The following BTBD7 variants were observed in gnomAD, a reference collection of about 807,000 sequenced individuals.
BTBD7 encodes BTB domain containing 7.
BTBD7 carries 38 observed loss-of-function variants against 99.9 expected under a neutral mutation model. That is an observed-to-expected ratio of 0.38 (90% CI 0.29 to 0.50). The LOEUF (loss-of-function observed/expected upper bound fraction) is 0.50. Ranked by LOEUF, BTBD7 falls within the 20% of genes least tolerant of loss-of-function variation. The pLI, the probability that BTBD7 is intolerant of heterozygous loss-of-function variation, is 0.93. For missense variants in BTBD7, 1,170 were observed against 1,394.6 expected (o/e 0.84, Z 2.57); for synonymous variants, 520 against 511.4 (o/e 1.02, Z -0.23).
In BTBD7 at chr14:93,332,810, G is replaced by A. The variant is rs922981549; in HGVS notation, c.-107+10C>T. ...GCTCCACAGCCTCAGAGACACCAAG[G>A]GACACTCACCCCGGAGGCTCCTCCC... is the stretch of plus-strand genomic sequence containing the variant. On this transcript the variant is annotated intron_variant, in intron 1 of 10. Coordinates refer to ENST00000334746, the MANE Select transcript of BTBD7 (RefSeq NM_001002860.4). 4.7e-6 allele frequency: 7 copies of A among 1,476,796 alleles called. No individual in the cohort carries two copies. In the African/African-American group the frequency reaches 7.3e-5, roughly 15 times the overall value. The allele number at this position is 1,476,796 out of a possible 1,614,324, so 91.5% of individuals were successfully genotyped here. A position where few individuals can be genotyped will look rare whatever the true frequency, so the allele number is the denominator to read the frequency against.
In BTBD7 at chr14:93,237,749, A is replaced by T. The variant is rs978998792; in HGVS notation, c.*4524T>A. The T allele has an allele frequency of 3.9e-5, 6 of 152,656 alleles. No homozygotes were observed. Among genetic ancestry groups the T allele is most frequent in the African/African-American group, 1.4e-4 (6 of 41,452 alleles). The allele number at this position is 152,656 out of a possible 1,614,324, so 9.5% of individuals were successfully genotyped here. A position where few individuals can be genotyped will look rare whatever the true frequency, so the allele number is the denominator to read the frequency against. On this transcript the variant is annotated 3_prime_UTR_variant, in exon 11 of 11. Coordinates refer to ENST00000334746, the MANE Select transcript of BTBD7 (RefSeq NM_001002860.4). ...GGAGGTACCTAAATAAAAATACTAT[A>T]TATTTCTTTAAAAATCACTATGTAC...
chr14:93,253,217 AT>A (rs2052388185), intron 7 of BTBD7, among the ~76,000 whole-genome samples: 1 of 152,186 alleles, frequency 6.6e-6, no homozygotes. Flanking sequence ...ACTAAACATA[AT>A]TCCCAACAGT....
At chr14:93,307,068 C>T (rs1471161231) in intron 1 of BTBD7, among the ~76,000 whole-genome samples, 1 of 152,204 alleles carries the variant, frequency 6.6e-6, no homozygotes, top group Admixed American at 6.5e-5. Flanking sequence ...ATCTTCCTGA[C>T]ATCTCCCACA....
chr14:93,270,695 C>CAA (rs34308418), intron 3 of BTBD7, among the ~76,000 whole-genome samples: 6 of 71,258 alleles, frequency 8.4e-5, no homozygotes, highest in South Asian at 8.4e-4. Flanking sequence ...ACTCTTGTCT[C>CAA]AAAAAAAAAA....
chr14:93,281,029 G>T (rs544048996), intron 3 of BTBD7, among the ~76,000 whole-genome samples: 65 of 152,036 alleles, frequency 4.3e-4, no homozygotes, highest in Non-Finnish European at 8.1e-4. Context: ...TTGAGACAGG[G>T]TCTTACTCTG....
chr14:93,279,579 G>A (rs149365152), intron 3 of BTBD7, among the ~76,000 whole-genome samples: 315 of 152,104 alleles, frequency 2.1e-3, no homozygotes, highest in African/African-American at 7.2e-3. Flanking sequence ...ACAGAGTCTC[G>A]CTCTGTTGCC....
intron 1 of BTBD7, among the ~76,000 whole-genome samples, chr14:93,328,727 G>A (rs2053362713): frequency 6.6e-6 from 1 of 151,644 alleles, no homozygotes; most frequent in Admixed American, 6.6e-5. Flanking sequence ...ACCAGCCTGG[G>A]CAACATAGTG....
intron 1 of BTBD7, among the ~76,000 whole-genome samples, chr14:93,310,025 G>A (rs1410124635): frequency 1.5e-4 from 23 of 152,082 alleles, no homozygotes; most frequent in Admixed American, 1.5e-3. Flanking sequence ...GGGTGCCGTG[G>A]CACAAACATA....
intron 3 of BTBD7, among the ~76,000 whole-genome samples, chr14:93,269,985 C>T (rs1375623042): frequency 6.6e-6 from 1 of 152,228 alleles, no homozygotes; most frequent in Non-Finnish European, 1.5e-5. Flanking sequence ...AACCCAGAAA[C>T]TTATTAGAAA....
intron 1 of BTBD7, among the ~76,000 whole-genome samples, chr14:93,319,678 G>A (rs536958373): frequency 3.3e-5 from 5 of 152,172 alleles, no homozygotes; most frequent in Admixed American, 2.0e-4. Context: ...ATTAATCAAC[G>A]GGCATACAGT....
intron 4 of BTBD7, 30 bp downstream of exon 4, chr14:93,263,755 A>T: frequency 6.3e-7 from 1 of 1,581,804 alleles, no homozygotes; most frequent in African/African-American, 1.3e-5. Flanking sequence ...CATATGAATG[A>T]CAGAGTTTGA....
chr14:93,307,669 T>C (rs1172111934), intron 1 of BTBD7, among the ~76,000 whole-genome samples: 1 of 152,196 alleles, frequency 6.6e-6, no homozygotes, highest in East Asian at 1.9e-4. Context: ...TTTGCTCAAA[T>C]ACTACCTCTT....
At chr14:93,248,356 G>A (rs973406265) in intron 9 of BTBD7, 120 bp downstream of exon 9, 61 of 1,002,918 alleles carry the variant, frequency 6.1e-5, no homozygotes, top group Non-Finnish European at 8.8e-5. Context: ...GACACCAAAG[G>A]CAGTGAAAAA....
chr14:93,302,540 A>C (rs1041866503), intron 1 of BTBD7, among the ~76,000 whole-genome samples: 11 of 152,148 alleles, frequency 7.2e-5, no homozygotes, highest in African/African-American at 2.4e-4. Context: ...CTTAGAAATA[A>C]AACAAAGTTT....
intron 1 of BTBD7, among the ~76,000 whole-genome samples, chr14:93,300,563 T>C (rs1179133007): frequency 6.6e-6 from 1 of 151,582 alleles, no homozygotes; most frequent in African/African-American, 2.4e-5. Flanking sequence ...CGGCCCTTTT[T>C]TTGAGATATG....
In BTBD7 at chr14:93,248,648, C is replaced by T. The variant is rs150103724; in HGVS notation, c.1949G>A (p.Arg650His). The change falls in exon 9 of 11, where the codon CGT (arginine) becomes CAT (histidine). Residue 650 changes from arginine to histidine, a missense_variant. Physicochemically the swap from Arg to His is conservative, Grantham distance 29. Coordinates refer to ENST00000334746, the MANE Select transcript of BTBD7 (RefSeq NM_001002860.4). The part of the protein sequence containing the change: ...SVVANEIPVP[R>H]LLIMKDMVRR... ...GACCATGTCTTTCATAATGAGGAGA[C>T]GAGGAACTGGAAGGAGAACAACAGT... 176 of 1,605,100 alleles carry T rather than the reference C, an allele frequency of 1.1e-4. No individual in the cohort carries two copies. The highest frequency in any genetic ancestry group is 1.3e-4 in the Non-Finnish European group (152 of 1,176,846).
chr14:93,325,049 CT>C (rs2053312574), intron 1 of BTBD7, among the ~76,000 whole-genome samples: 1 of 150,062 alleles, frequency 6.7e-6, no homozygotes, highest in Non-Finnish European at 1.5e-5. Flanking sequence ...TGAGTCTGGA[CT>C]TTATCGACAA....
intron 1 of BTBD7, among the ~76,000 whole-genome samples, chr14:93,311,477 C>T (rs928303934): frequency 3.3e-5 from 5 of 152,152 alleles, no homozygotes; most frequent in African/African-American, 1.2e-4. Context: ...AGATCTAAGA[C>T]ATTATATACA....
intron 1 of BTBD7, among the ~76,000 whole-genome samples, chr14:93,299,456 G>A (rs914176214): frequency 2.0e-5 from 3 of 152,176 alleles, no homozygotes; most frequent in African/African-American, 7.2e-5. Flanking sequence ...ATGATGCAAC[G>A]GAGAGAGGAG....
Sources: gnomAD v4.1 joint callset for allele counts (sites outside exome capture counted in the v4.1 genomes callset) on GRCh38, gnomAD v4.1.1 for gene constraint, MANE v1.5 for transcripts, NCBI Gene and HGNC (gene_info 2026-07-23, HGNC 2026-07-21) for gene names.